Variants in GLRA1 observed in about 807,000 individuals in gnomAD.
The protein encoded by GLRA1 is glycine receptor alpha 1.
GLRA1 carries 37 observed loss-of-function variants against 48.3 expected under a neutral mutation model. The ratio of observed to expected loss-of-function variants is 0.77; its 90% confidence interval spans 0.59 to 1.01. GLRA1 has a LOEUF of 1.01. GLRA1 is among the 50% of genes least tolerant of loss of function. GLRA1 has a pLI of 0.00. For synonymous variants in GLRA1, 196 were observed against 210.7 expected, an observed-to-expected ratio of 0.93 and a Z score of 0.60; for missense variants, 427 against 571.0, an observed-to-expected ratio of 0.75 and a Z score of 2.57.
At chr5:151,844,697 A>G (rs1364553870) in intron 7 of GLRA1, among the ~76,000 whole-genome samples, 1 of 151,758 alleles carries the variant, frequency 6.6e-6, no homozygotes, top group Non-Finnish European at 1.5e-5. Context: ...AAACAGATAA[A>G]TTAGACTTTA....
intron 8 of GLRA1, among the ~76,000 whole-genome samples, chr5:151,828,642 C>T (rs1763337858): frequency 6.6e-6 from 1 of 152,126 alleles, no homozygotes; most frequent in African/African-American, 2.4e-5. Context: ...TTTTCTTGAC[C>T]CCATCAGCTT....
intron 7 of GLRA1, among the ~76,000 whole-genome samples, chr5:151,836,379 T>C (rs903691112): frequency 1.3e-5 from 2 of 152,098 alleles, no homozygotes; most frequent in African/African-American, 4.8e-5. Flanking sequence ...TGGCCATACT[T>C]CCCAAAGTAA....
chr5:151,885,373 G>T (rs1023893681), intron 3 of GLRA1, among the ~76,000 whole-genome samples: 1 of 152,204 alleles, frequency 6.6e-6, no homozygotes, highest in Non-Finnish European at 1.5e-5. Context: ...AAGCAGGTTG[G>T]TACAGTGGTA....
intron 3 of GLRA1, among the ~76,000 whole-genome samples, chr5:151,872,708 G>T (rs1272430979): frequency 2.0e-5 from 3 of 149,814 alleles, no homozygotes; most frequent in African/African-American, 7.7e-5. Flanking sequence ...TTACCAGGAG[G>T]CTATAAAGCC....
rs200250500 is a variant in GLRA1, at chr5:151,849,163, TTTTC to T, written c.912+2223_912+2226del. On this transcript the variant is annotated intron_variant, in intron 7 of 8. Coordinates refer to ENST00000274576, the MANE Select transcript of GLRA1 (RefSeq NM_000171.4). ...TTCTTTCTTTCTTTCTTTTCTTTTC[TTTTC>T]TTTCTTTCTTTCTTTCTTTCTTTTC... 1.3e-3 allele frequency: 148 copies of T among 111,048 alleles called. 6 individuals are homozygous for T. The highest frequency in any genetic ancestry group is 2.8e-3 in the East Asian group (17 of 6,058). The allele number at this position is 111,048 out of a possible 1,614,324, so 6.9% of individuals were successfully genotyped here. A position where few individuals can be genotyped will look rare whatever the true frequency, so the allele number is the denominator to read the frequency against.
chr5:151,847,127 G>C (rs549816907), intron 7 of GLRA1, among the ~76,000 whole-genome samples: 1 of 152,206 alleles, frequency 6.6e-6, no homozygotes, highest in African/African-American at 2.4e-5. Context: ...TATCAAAACA[G>C]AATGTTAAGC....
At chr5:151,869,589 C>T (rs938081689) in intron 3 of GLRA1, among the ~76,000 whole-genome samples, 1 of 149,748 alleles carries the variant, frequency 6.7e-6, no homozygotes, top group African/African-American at 2.5e-5. Flanking sequence ...GTGGCAAGCA[C>T]TGGTAATCCC....
intron 1 of GLRA1, among the ~76,000 whole-genome samples, chr5:151,910,880 A>AC (rs1282062108): frequency 3.9e-5 from 6 of 152,066 alleles, no homozygotes; most frequent in Non-Finnish European, 7.4e-5. Flanking sequence ...AGTTGTTTGT[A>AC]CCCCCCACTA....
chr5:151,880,506 C>T (rs1206797794), intron 3 of GLRA1, among the ~76,000 whole-genome samples: 1 of 152,248 alleles, frequency 6.6e-6, no homozygotes, highest in Admixed American at 6.5e-5. Context: ...TTGTGCCAAG[C>T]TAGCCTGCCC....
chr5:151,914,474 G>A (rs1032965201), intron 1 of GLRA1, among the ~76,000 whole-genome samples: 3 of 152,118 alleles, frequency 2.0e-5, no homozygotes, highest in East Asian at 1.9e-4. Flanking sequence ...AGGGAGACTG[G>A]GTATACTCCT....
intron 2 of GLRA1, among the ~76,000 whole-genome samples, chr5:151,887,559 G>A (rs1753941200): frequency 6.6e-6 from 1 of 152,132 alleles, no homozygotes; most frequent in Non-Finnish European, 1.5e-5. Context: ...TCATTTTACA[G>A]GAGAGAAAAC....
chr5:151,862,756 G>A (rs1048634199), intron 3 of GLRA1, among the ~76,000 whole-genome samples: 1 of 152,146 alleles, frequency 6.6e-6, no homozygotes, highest in African/African-American at 2.4e-5. Flanking sequence ...TTTTGGCCAT[G>A]GAATTCTTAT....
At chr5:151,917,404 T>C (rs1366099568) in intron 1 of GLRA1, among the ~76,000 whole-genome samples, 1 of 152,228 alleles carries the variant, frequency 6.6e-6, no homozygotes, top group East Asian at 1.9e-4. Context: ...TAGTTTGATA[T>C]GATTTTGATA....
At chr5:151,898,292 T>C (rs1425350005) in intron 1 of GLRA1, among the ~76,000 whole-genome samples, 1 of 152,102 alleles carries the variant, frequency 6.6e-6, no homozygotes, top group Non-Finnish European at 1.5e-5. Context: ...TGTGTCTTGG[T>C]TCTTCCTCAC....
At chr5:151,863,801 TCACCCTCACCC>T (rs1753263772) in intron 3 of GLRA1, among the ~76,000 whole-genome samples, 1 of 152,158 alleles carries the variant, frequency 6.6e-6, no homozygotes, top group Admixed American at 6.5e-5. Context: ...CTCCCCACTC[TCACCCTCACCC>T]CTGCTCAATT....
chr5:151,832,001 C>T (rs1269451062), intron 7 of GLRA1, among the ~76,000 whole-genome samples: 1 of 152,210 alleles, frequency 6.6e-6, no homozygotes, highest in African/African-American at 2.4e-5. Flanking sequence ...GATAACTAGG[C>T]ACACAGGGTC....
At chr5:151,836,935 G>A (rs1763592631) in intron 7 of GLRA1, among the ~76,000 whole-genome samples, 1 of 152,076 alleles carries the variant, frequency 6.6e-6, no homozygotes, top group African/African-American at 2.4e-5. Flanking sequence ...AGCCAAAATT[G>A]ACAAATGGGA....
At chr5:151,922,248 T>G (rs1754894460) in intron 1 of GLRA1, among the ~76,000 whole-genome samples, 1 of 152,192 alleles carries the variant, frequency 6.6e-6, no homozygotes, top group Non-Finnish European at 1.5e-5. Context: ...CCTGCCAGCC[T>G]CCATCTACCC....
chr5:151,921,601 T>C (rs1754875873), intron 1 of GLRA1, among the ~76,000 whole-genome samples: 1 of 152,202 alleles, frequency 6.6e-6, no homozygotes, highest in South Asian at 2.1e-4. Flanking sequence ...TTTGGGGTCA[T>C]ACTGGGCCTG....
Sources: allele counts gnomAD v4.1 joint callset (sites outside exome capture counted in the v4.1 genomes callset), GRCh38; gene constraint gnomAD v4.1.1; transcripts MANE v1.5; gene names NCBI Gene and HGNC (gene_info 2026-07-23, HGNC 2026-07-21).